The following PRKG1 variants were observed in gnomAD, a reference collection of about 807,000 sequenced individuals.
The protein encoded by PRKG1 is protein kinase cGMP-dependent 1.
A neutral mutation model predicts 88.1 loss-of-function variants in PRKG1; 35 were observed. The ratio of observed to expected loss-of-function variants is 0.40; its 90% CI spans 0.30 to 0.53. The LOEUF is 0.53. PRKG1 is among the 20% of genes least tolerant of loss of function. PRKG1 has a pLI of 0.59. For missense variants in PRKG1, 540 were observed against 839.8 expected (o/e 0.64, Z 4.41); for synonymous variants, 303 against 292.5 (o/e 1.04, Z -0.37).
intron 2 of PRKG1, among the ~76,000 whole-genome samples, chr10:51,416,040 C>T (rs595119): frequency 0.84 from 127,311 of 152,030 alleles, 53,848 homozygotes; most frequent in African/African-American, 0.91. Context: ...ATATTTAGAT[C>T]GACACCACAT....
intron 2 of PRKG1, among the ~76,000 whole-genome samples, chr10:51,167,650 C>T (rs1201011424): frequency 6.6e-6 from 1 of 152,050 alleles, no homozygotes; most frequent in Non-Finnish European, 1.5e-5. Context: ...GCCAAGATGG[C>T]AGTGTGGGAG....
At chr10:51,042,889 C>T (rs2132760201) in intron 1 of PRKG1, among the ~76,000 whole-genome samples, 1 of 152,214 alleles carries the variant, frequency 6.6e-6, no homozygotes, top group African/African-American at 2.4e-5. Flanking sequence ...TTCCCTTGTC[C>T]CTTCTGCCAC....
intron 1 of PRKG1, among the ~76,000 whole-genome samples, chr10:50,995,293 A>G (rs1384039933): frequency 4.6e-5 from 7 of 152,218 alleles, no homozygotes; most frequent in African/African-American, 1.7e-4. Flanking sequence ...ATAATGCACA[A>G]TCTCCATTAA....
intron 2 of PRKG1, among the ~76,000 whole-genome samples, chr10:51,395,724 G>C (rs1837559270): frequency 6.6e-6 from 1 of 152,174 alleles, no homozygotes; most frequent in Non-Finnish European, 1.5e-5. Context: ...CGCCAGCAGT[G>C]GTGCTATATT....
intron 3 of PRKG1, among the ~76,000 whole-genome samples, chr10:51,755,807 A>T (rs1335307765): frequency 6.6e-6 from 1 of 152,218 alleles, no homozygotes; most frequent in African/African-American, 2.4e-5. Flanking sequence ...GGTACTTATA[A>T]ATCTGACTAT....
At chr10:51,173,801 G>A (rs545418945) in intron 2 of PRKG1, among the ~76,000 whole-genome samples, 2 of 151,786 alleles carry the variant, frequency 1.3e-5, no homozygotes, top group South Asian at 2.1e-4. Flanking sequence ...TTTTCTTGAG[G>A]TTTGTATTTA....
At chr10:51,299,773 G>T (rs1346379788) in intron 2 of PRKG1, 9 of 352,154 alleles carry the variant, frequency 2.6e-5, no homozygotes, top group Non-Finnish European at 3.2e-5. Flanking sequence ...ACCTCATGTG[G>T]CGTAACTGCT....
intron 4 of PRKG1, among the ~76,000 whole-genome samples, chr10:51,839,150 A>T (rs1840203830): frequency 7.0e-6 from 1 of 142,396 alleles, no homozygotes; most frequent in African/African-American, 2.5e-5. Context: ...CTTTATTATT[A>T]TTTTTTTAAC....
intron 1 of PRKG1, among the ~76,000 whole-genome samples, chr10:51,049,565 T>G (rs917873951): frequency 1.3e-5 from 2 of 152,218 alleles, no homozygotes; most frequent in Non-Finnish European, 2.9e-5. Context: ...TGCTAAGTTT[T>G]CTAGATGGGC....
At chr10:52,067,780 T>C (rs1257975441) in intron 7 of PRKG1, among the ~76,000 whole-genome samples, 1 of 152,084 alleles carries the variant, frequency 6.6e-6, no homozygotes, top group African/African-American at 2.4e-5. Context: ...GGGTAAAATG[T>C]TTACTTTTTA....
chr10:51,756,484 C>CAAAAAA (rs55967411), intron 3 of PRKG1, among the ~76,000 whole-genome samples: 15 of 107,958 alleles, frequency 1.4e-4, no homozygotes, highest in African/African-American at 5.1e-4. Flanking sequence ...GAGACTGTCT[C>CAAAAAA]AAAAAAAAAA....
At chr10:51,884,916 C>A (rs1271234511) in intron 4 of PRKG1, among the ~76,000 whole-genome samples, 1 of 152,134 alleles carries the variant, frequency 6.6e-6, no homozygotes, top group Non-Finnish European at 1.5e-5. Flanking sequence ...TGTTTGGAAG[C>A]ATCTTTAACT....
chr10:51,468,099 T>A (rs1246725218), intron 3 of PRKG1, among the ~76,000 whole-genome samples: 2 of 151,938 alleles, frequency 1.3e-5, no homozygotes, highest in African/African-American at 4.8e-5. Flanking sequence ...TTTTAAATCA[T>A]ATAATTTTAT....
chr10:52,013,206 C>T (rs1844942143), intron 5 of PRKG1, among the ~76,000 whole-genome samples: 1 of 151,980 alleles, frequency 6.6e-6, no homozygotes, highest in South Asian at 2.1e-4. Flanking sequence ...ATCACGAGGT[C>T]AGGAGATCGT....
intron 1 of PRKG1, among the ~76,000 whole-genome samples, chr10:51,140,912 A>G (rs1845806057): frequency 6.6e-6 from 1 of 152,210 alleles, no homozygotes; most frequent in Admixed American, 6.5e-5. Flanking sequence ...CGCCAGAAAC[A>G]TTCTGGAATT....
intron 3 of PRKG1, among the ~76,000 whole-genome samples, chr10:51,752,851 T>C (rs1374925131): frequency 6.6e-6 from 1 of 152,148 alleles, no homozygotes; most frequent in Non-Finnish European, 1.5e-5. Flanking sequence ...TGTATTCATA[T>C]ATGTATATAT....
At chr10:52,265,249 C>T (rs1230785202) in intron 10 of PRKG1, among the ~76,000 whole-genome samples, 1 of 152,022 alleles carries the variant, frequency 6.6e-6, no homozygotes, top group Non-Finnish European at 1.5e-5. Context: ...TGTTCTGTAG[C>T]ATCAGTTTAC....
chr10:51,788,862 C>G (rs530201812), intron 3 of PRKG1, among the ~76,000 whole-genome samples: 1 of 152,256 alleles, frequency 6.6e-6, no homozygotes, highest in African/African-American at 2.4e-5. Flanking sequence ...AATCTTGATG[C>G]TTCATTTTCC....
intron 2 of PRKG1, among the ~76,000 whole-genome samples, chr10:51,403,325 G>C (rs1837810999): frequency 6.6e-6 from 1 of 152,150 alleles, no homozygotes; most frequent in Admixed American, 6.6e-5. Flanking sequence ...AAAATTTTCA[G>C]ATCTAAAGTT....
Sources: allele counts gnomAD v4.1 joint callset (sites outside exome capture counted in the v4.1 genomes callset), GRCh38; gene constraint gnomAD v4.1.1; transcripts MANE v1.5; gene names NCBI Gene and HGNC (gene_info 2026-07-23, HGNC 2026-07-21).